RBMS3: variants seen among roughly 807,000 people sequenced by gnomAD.
RBMS3 encodes RNA binding motif single stranded interacting protein 3.
In RBMS3, 27 loss-of-function variants were observed where a neutral mutation model predicts 66.8. That is an observed-to-expected ratio of 0.40 (90% CI 0.30 to 0.56). The LOEUF is 0.56. Among genes scored for constraint, RBMS3 ranks in the 20% least tolerant of loss-of-function variants. RBMS3 has a pLI of 0.40. For missense variants in RBMS3, 513 were observed against 549.5 expected (o/e 0.93, Z 0.66); for synonymous variants, 188 against 183.0 (o/e 1.03, Z -0.22).
chr3:29,485,717 A>G (rs1465302073), intron 2 of RBMS3, among the ~76,000 whole-genome samples: 10 of 152,222 alleles, frequency 6.6e-5, no homozygotes, highest in African/African-American at 2.2e-4. Flanking sequence ...ATGAAAGGAT[A>G]GATAAGTGAA....
chr3:29,329,117 T>C (rs1050914044), intron 1 of RBMS3, among the ~76,000 whole-genome samples: 14 of 152,138 alleles, frequency 9.2e-5, no homozygotes, highest in Admixed American at 9.2e-4. Flanking sequence ...AAAATATATG[T>C]TTTTGGCTTT....
intron 3 of RBMS3, among the ~76,000 whole-genome samples, chr3:29,565,913 A>T (rs1423972790): frequency 6.6e-6 from 1 of 152,156 alleles, no homozygotes; most frequent in Non-Finnish European, 1.5e-5. Flanking sequence ...TTGCAAATTT[A>T]AAAGATTCTA....
At chr3:29,904,833 T>A (rs2060337399) in intron 10 of RBMS3, among the ~76,000 whole-genome samples, 1 of 152,050 alleles carries the variant, frequency 6.6e-6, no homozygotes, top group Admixed American at 6.6e-5. Context: ...ACTAATTTTG[T>A]TTTCTTTATC....
chr3:29,909,334 G>A (rs770297397), intron 10 of RBMS3, among the ~76,000 whole-genome samples: 2 of 152,054 alleles, frequency 1.3e-5, no homozygotes, highest in African/African-American at 4.8e-5. Context: ...TGATGTGTGC[G>A]TAAAAGTAAT....
At chr3:29,318,888 C>T (rs1236303170) in intron 1 of RBMS3, among the ~76,000 whole-genome samples, 1 of 151,754 alleles carries the variant, frequency 6.6e-6, no homozygotes, top group Non-Finnish European at 1.5e-5. Context: ...ATAAAGGGAT[C>T]AAAATCAGAT....
intron 1 of RBMS3, among the ~76,000 whole-genome samples, chr3:29,322,121 C>T (rs2035043769): frequency 6.6e-6 from 1 of 151,944 alleles, no homozygotes; most frequent in African/African-American, 2.4e-5. Flanking sequence ...GGCTCTTCCT[C>T]TCTTTTATTT....
intron 10 of RBMS3, among the ~76,000 whole-genome samples, chr3:29,913,186 C>A (rs894456222): frequency 6.6e-6 from 1 of 151,952 alleles, no homozygotes; most frequent in African/African-American, 2.4e-5. Context: ...TAGAATAGAA[C>A]TATTTGATGT....
chr3:29,685,302 C>T lies in RBMS3; in HGVS notation c.400-54418C>T, dbSNP rs547582093. 2.1e-4 allele frequency among the ~76,000 whole-genome samples: 32 copies of T among 152,188 alleles called. 1 individual carries two copies. The South Asian group carries it at 3.7e-3, about 18-fold the overall frequency. ...GGTCTCCATCTCCTGACCTCGTGAT[C>T]CGCCCGCCTCGACCTCCCAAAGTGC... On this transcript the variant is annotated intron_variant, in intron 4 of 14. Transcript: ENST00000383767.
chr3:29,367,569 G>A (rs545070180), intron 1 of RBMS3, among the ~76,000 whole-genome samples: 9 of 152,182 alleles, frequency 5.9e-5, no homozygotes, highest in African/African-American at 2.2e-4. Context: ...TAAATAGTAT[G>A]TTGTTTACAA....
intron 4 of RBMS3, chr3:29,698,355 T>C: frequency 4.1e-6 from 4 of 985,398 alleles, no homozygotes; most frequent in Non-Finnish European, 4.8e-6. Flanking sequence ...CCGGAGCAGT[T>C]TGTGTCTGAA....
intron 4 of RBMS3, among the ~76,000 whole-genome samples, chr3:29,739,333 G>A (rs1488156833): frequency 1.3e-5 from 2 of 152,078 alleles, no homozygotes; most frequent in East Asian, 1.9e-4. Context: ...GCGGGCGCCT[G>A]TAGTCCCAGC....
chr3:29,696,031 C>T (rs1164358838), intron 4 of RBMS3, among the ~76,000 whole-genome samples: 1 of 152,132 alleles, frequency 6.6e-6, no homozygotes, highest in East Asian at 1.9e-4. Flanking sequence ...TCTTTCTTGC[C>T]GTCAGTAAAG....
intron 14 of RBMS3, among the ~76,000 whole-genome samples, chr3:29,994,904 C>T (rs546440819): frequency 9.3e-4 from 142 of 152,118 alleles, no homozygotes; most frequent in South Asian, 6.6e-3. Flanking sequence ...TCACCAGCAA[C>T]GGAACAAAGC....
chr3:29,704,432 T>C (rs1292677038), intron 4 of RBMS3, among the ~76,000 whole-genome samples: 1 of 152,214 alleles, frequency 6.6e-6, no homozygotes, highest in African/African-American at 2.4e-5. Flanking sequence ...CACATTTCCA[T>C]TTAAATGTCT....
intron 6 of RBMS3, among the ~76,000 whole-genome samples, chr3:29,861,604 T>G (rs571884743): frequency 3.3e-5 from 5 of 152,368 alleles, no homozygotes; most frequent in African/African-American, 1.2e-4. Context: ...CTTATCAAAC[T>G]GCACGTATTT....
chr3:29,451,879 G>C (rs556110462), intron 2 of RBMS3, among the ~76,000 whole-genome samples: 1 of 152,296 alleles, frequency 6.6e-6, no homozygotes, highest in South Asian at 2.1e-4. Context: ...TGTGTGAATC[G>C]TGTGAACAAA....
intron 1 of RBMS3, among the ~76,000 whole-genome samples, chr3:29,421,415 A>T (rs1037602744): frequency 4.6e-5 from 7 of 152,334 alleles, no homozygotes; most frequent in Non-Finnish European, 7.4e-5. Context: ...ACAATTTTTT[A>T]AAAATCTAAT....
chr3:29,432,091 A>T (rs2041229460), intron 1 of RBMS3, among the ~76,000 whole-genome samples: 1 of 152,148 alleles, frequency 6.6e-6, no homozygotes, highest in Non-Finnish European at 1.5e-5. Flanking sequence ...AAAAGGTGAA[A>T]CATGATAGAA....
At chr3:29,663,119 T>C (rs1167609326) in intron 4 of RBMS3, among the ~76,000 whole-genome samples, 1 of 152,204 alleles carries the variant, frequency 6.6e-6, no homozygotes, top group Non-Finnish European at 1.5e-5. Context: ...ATGCCTCTCA[T>C]AGAGTAGGTA....
Sources: allele counts gnomAD v4.1 joint callset (sites outside exome capture counted in the v4.1 genomes callset), GRCh38; gene constraint gnomAD v4.1.1; transcripts MANE v1.5; gene names NCBI Gene and HGNC (gene_info 2026-07-23, HGNC 2026-07-21).